The following CPVL variants were observed in gnomAD, a reference collection of about 807,000 sequenced individuals.
CPVL encodes carboxypeptidase vitellogenic like.
In CPVL, 51 loss-of-function variants were observed where a neutral mutation model predicts 63.7. The observed-to-expected ratio is 0.80, with a 90% confidence interval of 0.64 to 1.01. The LOEUF is 1.01. CPVL is among the 50% of genes least tolerant of loss of function. The pLI, the probability that CPVL is intolerant of heterozygous loss-of-function variation, is 0.00. For synonymous variants in CPVL, 195 were observed against 206.0 expected (o/e 0.95, Z 0.46); for missense variants, 530 against 573.1 (o/e 0.92, Z 0.77).
intron 12 of CPVL, among the ~76,000 whole-genome samples, chr7:28,997,340 C>T (rs1784183282): frequency 6.6e-6 from 1 of 152,232 alleles, no homozygotes; most frequent in African/African-American, 2.4e-5. Flanking sequence ...CTTCACAAGG[C>T]CCTTCCTAAG....
At chr7:29,183,623 G>A (rs375734977) in intron 4 of CPVL, among the ~76,000 whole-genome samples, 10 of 149,686 alleles carry the variant, frequency 6.7e-5, no homozygotes, top group Admixed American at 2.0e-4. Flanking sequence ...GTGGTCTGCC[G>A]GTCTTGGCCT....
rs778757980 is a variant in CPVL, at chr7:29,123,597, G to GAA, written c.-10-2528_-10-2527dup. 2.0e-3 allele frequency among the ~76,000 whole-genome samples: 83 copies of GAA among 41,256 alleles called. 15 individuals carry two copies. Among genetic ancestry groups the GAA allele is most frequent in the Non-Finnish European group, 3.6e-3 (74 of 20,790 alleles). The allele number at this position is 41,256 out of a possible 152,430, so 27.1% of individuals were successfully genotyped here. ...ACAATCTTACTCTCTAACTGGTTCA[G>GAA]AAAAAAAAAAAAAAAAAAAAAAAAA... is the stretch of plus-strand genomic sequence containing the variant. On this transcript the variant is annotated intron_variant, in intron 1 of 12. Coordinates refer to ENST00000265394, the MANE Select transcript of CPVL (RefSeq NM_031311.5).
chr7:29,120,879 T>C lies in CPVL; in HGVS notation c.169+14A>G, dbSNP rs749659683. 6.2e-7 allele frequency: 1 copy of C among 1,600,290 alleles called. No homozygotes were observed. The highest frequency in any genetic ancestry group is 8.5e-7 in the Non-Finnish European group (1 of 1,171,714). ...TCATGCCAGTGGTTTTCTGATTTAA[T>C]TAAACTTACTTACCTTTTTGGATCT... On this transcript the variant is annotated intron_variant, in intron 2 of 12. Transcript: ENST00000265394.
At chr7:29,139,596 A>G (rs1358930831) in intron 1 of CPVL, among the ~76,000 whole-genome samples, 1 of 152,164 alleles carries the variant, frequency 6.6e-6, no homozygotes, top group Non-Finnish European at 1.5e-5. Flanking sequence ...TTTTTTAAAA[A>G]TCCTATTAAA....
intron 7 of CPVL, among the ~76,000 whole-genome samples, chr7:29,084,402 C>T (rs538563980): frequency 2.0e-5 from 3 of 152,336 alleles, no homozygotes; most frequent in South Asian, 4.1e-4. Flanking sequence ...CTCATTATCT[C>T]GTCAGACAAT....
At chr7:29,169,529 C>G (rs1410051346) in intron 5 of CPVL, among the ~76,000 whole-genome samples, 1 of 152,102 alleles carries the variant, frequency 6.6e-6, no homozygotes, top group Non-Finnish European at 1.5e-5. Context: ...TTATCTTTCA[C>G]TTAAACAAGA....
At chr7:29,024,372 C>A (rs1787292620) in intron 12 of CPVL, among the ~76,000 whole-genome samples, 1 of 152,098 alleles carries the variant, frequency 6.6e-6, no homozygotes. Context: ...ACCAAATATT[C>A]ACATTTTGGG....
chr7:29,025,874 C>T (rs317742), intron 12 of CPVL, among the ~76,000 whole-genome samples: 66,422 of 151,948 alleles, frequency 0.44, 16,394 homozygotes, highest in African/African-American at 0.68. Context: ...CAATCATAGT[C>T]GAGGACTTCA....
At chr7:29,101,415 A>T (rs1787108336) in intron 3 of CPVL, among the ~76,000 whole-genome samples, 1 of 152,146 alleles carries the variant, frequency 6.6e-6, no homozygotes, top group African/African-American at 2.4e-5. Context: ...CCTTGCTAAC[A>T]CGGTGAAACC....
chr7:29,114,472 G>A (rs1235581656), intron 2 of CPVL, among the ~76,000 whole-genome samples: 2 of 152,052 alleles, frequency 1.3e-5, no homozygotes, highest in African/African-American at 4.8e-5. Context: ...GGGAAGTAGT[G>A]GCATGCCTCT....
intron 3 of CPVL, among the ~76,000 whole-genome samples, chr7:29,099,336 A>G (rs1786819261): frequency 1.3e-5 from 2 of 152,314 alleles, no homozygotes; most frequent in South Asian, 4.1e-4. Context: ...AACTTCCCTG[A>G]TCAGTTTTAC....
intron 7 of CPVL, among the ~76,000 whole-genome samples, chr7:29,078,132 T>G (rs913337919): frequency 3.3e-5 from 5 of 152,310 alleles, no homozygotes; most frequent in African/African-American, 1.2e-4. Context: ...CCAACAAGAA[T>G]ATGACTTTAT....
intron 9 of CPVL, among the ~76,000 whole-genome samples, chr7:29,070,553 A>G (rs1201053124): frequency 6.6e-6 from 1 of 152,232 alleles, no homozygotes; most frequent in Non-Finnish European, 1.5e-5. Context: ...TGGAAGCATG[A>G]TCCTACATGT....
intron 12 of CPVL, chr7:29,001,405 T>C (rs2128125443): frequency 6.6e-6 from 1 of 152,248 alleles, no homozygotes; most frequent in East Asian, 1.9e-4. Context: ...TTCACTACTT[T>C]TATGCCATTC....
intron 12 of CPVL, among the ~76,000 whole-genome samples, chr7:28,999,308 A>G (rs1385039523): frequency 3.3e-5 from 5 of 152,344 alleles, no homozygotes; most frequent in Non-Finnish European, 7.3e-5. Flanking sequence ...TCACCTCCAG[A>G]CTTTCCAATT....
chr7:29,048,019 C>A (rs1789785357), intron 11 of CPVL, among the ~76,000 whole-genome samples: 3 of 152,138 alleles, frequency 2.0e-5, no homozygotes, highest in African/African-American at 7.2e-5. Flanking sequence ...ACCAAGCCAC[C>A]ACTACAAGAA....
Position 29,086,486 on chromosome 7 carries a change from C to G in CPVL, c.607G>C (p.Glu203Gln), listed in dbSNP as rs376816938. Residue 203 changes from glutamate to glutamine, a missense_variant and splice_region_variant, in exon 7 of 13, where the codon GAG (glutamate) becomes CAG (glutamine). Coordinates refer to ENST00000265394, the MANE Select transcript of CPVL (RefSeq NM_031311.5). ...AAGGAAACGTGACTTCTACTTACCTCCCCAGTGACATAAAAGTCATTATTT... is the reference window on the plus strand; with the variant it reads ...AAGGAAACGTGACTTCTACTTACCTGCCCAGTGACATAAAAGTCATTATTT... ...YKNNDFYVTG[E>Q]SYAGKYVPAI... 3 of 1,608,718 alleles carry G rather than the reference C, an allele frequency of 1.9e-6. No homozygotes were observed. The highest frequency in any genetic ancestry group is 2.6e-6 in the Non-Finnish European group (3 of 1,175,270).
chr7:29,030,951 T>C (rs959339866), intron 11 of CPVL, among the ~76,000 whole-genome samples, 192 bp from the exon 12 acceptor site: 1 of 152,244 alleles, frequency 6.6e-6, no homozygotes, highest in Admixed American at 6.5e-5. Context: ...GAATTCTTCA[T>C]AGTAATCTGC....
chr7:29,111,305 G>A (rs573193915), intron 3 of CPVL, among the ~76,000 whole-genome samples: 6 of 152,264 alleles, frequency 3.9e-5, no homozygotes, highest in East Asian at 1.9e-4. Context: ...CCTCCATCCC[G>A]CTCTGTGCCC....
Sources: gnomAD v4.1 joint callset for allele counts (sites outside exome capture counted in the v4.1 genomes callset) on GRCh38, gnomAD v4.1.1 for gene constraint, MANE v1.5 for transcripts, NCBI Gene and HGNC (gene_info 2026-07-23, HGNC 2026-07-21) for gene names.